The following TMTC2 variants were observed in gnomAD, a reference collection of about 807,000 sequenced individuals.
TMTC2 encodes the protein protein O-mannosyl-transferase TMTC2.
TMTC2 carries 43 observed loss-of-function variants against 82.4 expected under a neutral mutation model. That is an observed-to-expected ratio of 0.52 (90% CI 0.41 to 0.67). The LOEUF (loss-of-function observed/expected upper bound fraction) is 0.67, where lower values mean the gene tolerates loss of function less well. Among genes scored for constraint, TMTC2 ranks in the 30% least tolerant of loss-of-function variants. The pLI is 0.00. For missense variants in TMTC2, 919 were observed against 1,012.4 expected, an observed-to-expected ratio of 0.91 and a Z score of 1.25; for synonymous variants, 408 against 381.9, an observed-to-expected ratio of 1.07 and a Z score of -0.80.
At chr12:82,992,425 C>G (rs954402138) in intron 8 of TMTC2, among the ~76,000 whole-genome samples, 2 of 152,068 alleles carry the variant, frequency 1.3e-5, no homozygotes, top group African/African-American at 4.8e-5. Flanking sequence ...TCCTGTTAAT[C>G]TGATTGAGTA....
At chr12:83,118,428 T>C (rs925462488) in intron 11 of TMTC2, among the ~76,000 whole-genome samples, 1 of 152,210 alleles carries the variant, frequency 6.6e-6, no homozygotes, top group African/African-American at 2.4e-5. Flanking sequence ...ATTAAGATGA[T>C]CATGTGATTT....
At chr12:82,841,090 T>C (rs1192021329) in intron 1 of TMTC2, among the ~76,000 whole-genome samples, 1 of 152,194 alleles carries the variant, frequency 6.6e-6, no homozygotes, top group Non-Finnish European at 1.5e-5. Context: ...AAGATTTTAC[T>C]GTTCTTAAAG....
chr12:83,055,061 C>G (rs1204144228), intron 10 of TMTC2, among the ~76,000 whole-genome samples: 1 of 152,018 alleles, frequency 6.6e-6, no homozygotes, highest in Non-Finnish European at 1.5e-5. Flanking sequence ...GGCTCAGCAG[C>G]TTTTACAGTT....
intron 1 of TMTC2, among the ~76,000 whole-genome samples, chr12:82,722,522 C>T (rs1240643489): frequency 1.7e-5 from 2 of 116,484 alleles, no homozygotes; most frequent in African/African-American, 6.8e-5. Flanking sequence ...AGCAGAGATC[C>T]TGCCACTGCA....
chr12:82,791,548 G>A (rs1210207646), intron 1 of TMTC2, among the ~76,000 whole-genome samples: 1 of 152,056 alleles, frequency 6.6e-6, no homozygotes, highest in South Asian at 2.1e-4. Context: ...GAAGGGAAGG[G>A]ATTTAGTAAC....
intron 7 of TMTC2, among the ~76,000 whole-genome samples, chr12:82,985,085 G>T (rs537659801): frequency 6.6e-6 from 1 of 151,770 alleles, no homozygotes; most frequent in East Asian, 1.9e-4. Context: ...TTGAGACAGG[G>T]TGTCACTCTT....
intron 1 of TMTC2, among the ~76,000 whole-genome samples, chr12:82,810,464 C>T (rs1879440198): frequency 6.6e-6 from 1 of 150,686 alleles, no homozygotes. Context: ...TTATTTTTAA[C>T]AGAATTATTA....
intron 4 of TMTC2, among the ~76,000 whole-genome samples, chr12:82,935,927 C>T (rs1053621473): frequency 3.3e-5 from 5 of 152,010 alleles, no homozygotes; most frequent in Non-Finnish European, 7.4e-5. Flanking sequence ...ATAAATAAAT[C>T]AGAATGCAGA....
chr12:82,688,787 G>A (rs1050406837), intron 1 of TMTC2, among the ~76,000 whole-genome samples: 3 of 152,158 alleles, frequency 2.0e-5, no homozygotes, highest in East Asian at 1.9e-4. Flanking sequence ...GGGTTAGGGC[G>A]AGGCAGTGAG....
intron 1 of TMTC2, among the ~76,000 whole-genome samples, chr12:82,855,606 CAG>C (rs1160011599): frequency 6.6e-6 from 1 of 152,054 alleles, no homozygotes; most frequent in East Asian, 1.9e-4. Context: ...TCTGTAAATA[CAG>C]AGATAGGTTC....
chr12:82,813,926 T>C (rs1288929296), intron 1 of TMTC2, among the ~76,000 whole-genome samples: 1 of 151,974 alleles, frequency 6.6e-6, no homozygotes, highest in African/African-American at 2.4e-5. Context: ...TAATGTTATG[T>C]TTATGATACC....
At chr12:82,940,014 CTTTTTTTT>C (rs71309537) in intron 4 of TMTC2, among the ~76,000 whole-genome samples, 2 of 91,248 alleles carry the variant, frequency 2.2e-5, no homozygotes, top group African/African-American at 4.3e-5. Context: ...TCTTTCTTTA[CTTTTTTTT>C]TTTTTTTTTT....
chr12:82,945,964 T>C (rs1876969564), intron 4 of TMTC2, among the ~76,000 whole-genome samples: 1 of 152,216 alleles, frequency 6.6e-6, no homozygotes, highest in Non-Finnish European at 1.5e-5. Context: ...TTCTTACATA[T>C]TATTTCTACT....
intron 1 of TMTC2, among the ~76,000 whole-genome samples, chr12:82,733,091 T>C (rs918804455): frequency 6.6e-6 from 1 of 152,226 alleles, no homozygotes; most frequent in Non-Finnish European, 1.5e-5. Flanking sequence ...AAATGTTTCA[T>C]TTGTGAAATC....
chr12:82,866,765 G>C (rs2137129745), intron 2 of TMTC2, among the ~76,000 whole-genome samples: 1 of 152,280 alleles, frequency 6.6e-6, no homozygotes, highest in Admixed American at 6.5e-5. Flanking sequence ...TAAATGCTTA[G>C]AATGGTGGAA....
chr12:82,762,673 A>G (rs1281828927), intron 1 of TMTC2, among the ~76,000 whole-genome samples: 1 of 152,354 alleles, frequency 6.6e-6, no homozygotes, highest in Non-Finnish European at 1.5e-5. Context: ...ATGTAAACAT[A>G]AAAGGAAACA....
intron 2 of TMTC2, among the ~76,000 whole-genome samples, chr12:82,879,087 T>C (rs1474628085): frequency 2.0e-5 from 3 of 152,326 alleles, no homozygotes; most frequent in East Asian, 3.9e-4. Context: ...TACAAATTTT[T>C]GACCTCTTTG....
At chr12:83,077,869 A>G (rs1009739495) in intron 11 of TMTC2, among the ~76,000 whole-genome samples, 2 of 130,544 alleles carry the variant, frequency 1.5e-5, no homozygotes, top group Non-Finnish European at 3.3e-5. Context: ...CACCATGCCC[A>G]GACAATCTGT....
At chr12:82,817,186 C>T (rs1041724324) in intron 1 of TMTC2, among the ~76,000 whole-genome samples, 2 of 152,120 alleles carry the variant, frequency 1.3e-5, no homozygotes. Context: ...CCACGCTGGT[C>T]TCAAACTCCT....
Sources: allele counts gnomAD v4.1 joint callset (sites outside exome capture counted in the v4.1 genomes callset), GRCh38; gene constraint gnomAD v4.1.1; transcripts MANE v1.5; gene names NCBI Gene and HGNC (gene_info 2026-07-23, HGNC 2026-07-21).